The following DGKG variants were observed in gnomAD, a reference collection of about 807,000 sequenced individuals.
DGKG encodes diacylglycerol kinase gamma, also known as DAG kinase gamma.
In DGKG, 78 loss-of-function variants were observed where a neutral mutation model predicts 105.3. The observed-to-expected ratio is 0.74, with a 90% confidence interval of 0.62 to 0.89. The LOEUF (loss-of-function observed/expected upper bound fraction) is 0.89, where lower values mean the gene tolerates loss of function less well. DGKG is among the 40% of genes least tolerant of loss of function. The pLI, the probability that DGKG is intolerant of heterozygous loss-of-function variation, is 0.00. For synonymous variants in DGKG, 346 were observed against 367.1 expected (o/e 0.94, Z 0.66); for missense variants, 958 against 1,020.1 (o/e 0.94, Z 0.83).
intron 2 of DGKG, among the ~76,000 whole-genome samples, chr3:186,308,497 T>G (rs1260048814): frequency 6.6e-6 from 1 of 152,156 alleles, no homozygotes; most frequent in African/African-American, 2.4e-5. Flanking sequence ...AGGCTCTTTG[T>G]ACAGAGGGTT....
chr3:186,332,565 A>T (rs1227034155), intron 1 of DGKG, among the ~76,000 whole-genome samples: 3 of 152,198 alleles, frequency 2.0e-5, no homozygotes, highest in East Asian at 3.9e-4. Context: ...ACCAAGCACA[A>T]GTCTGACTTT....
At chr3:186,336,129 G>A (rs544386613) in intron 1 of DGKG, among the ~76,000 whole-genome samples, 10 of 152,222 alleles carry the variant, frequency 6.6e-5, no homozygotes, top group East Asian at 5.8e-4. Flanking sequence ...ACAGTGGTAC[G>A]GTATAAAAGC....
At chr3:186,270,485 G>C (rs1722265158) in intron 11 of DGKG, among the ~76,000 whole-genome samples, 1 of 152,194 alleles carries the variant, frequency 6.6e-6, no homozygotes. Context: ...CCTCCCCTAA[G>C]AATGTTTTTG....
At chr3:186,340,004 C>CGTGCCT (rs1177215446) in intron 1 of DGKG, among the ~76,000 whole-genome samples, 1 of 152,174 alleles carries the variant, frequency 6.6e-6, no homozygotes, top group African/African-American at 2.4e-5. Context: ...TTCCCAGGGC[C>CGTGCCT]GTGCCTGGCA....
Position 186,310,479 on chromosome 3 carries a change from T to C in DGKG, c.68-3502A>G, listed in dbSNP as rs187261321. On this transcript the variant is annotated intron_variant, in intron 2 of 24. Coordinates refer to ENST00000265022, the MANE Select transcript of DGKG (RefSeq NM_001346.3). ...TACTTTCTCCTTGGATGTCCTTATA[T>C]ACTTTATAACAGTTTTCTTCTTAAT... Among the ~76,000 whole-genome samples, 458 of 152,320 alleles carry C rather than the reference T, an allele frequency of 3.0e-3. 4 individuals are homozygous for C. Among genetic ancestry groups the C allele is most frequent in the African/African-American group, 9.3e-3 (386 of 41,556 alleles).
intron 19 of DGKG, among the ~76,000 whole-genome samples, chr3:186,243,895 G>GTTTTTTTTTTTTTTTTTTT (rs34134152): frequency 5.1e-4 from 59 of 116,318 alleles, no homozygotes; most frequent in African/African-American, 2.1e-3. Context: ...AAATTTCTGT[G>GTTTTTTTTTTTTTTTTTTT]TTTTTTTTTT....
At chr3:186,160,576 A>T (rs1300941984) in intron 24 of DGKG, 1 of 985,330 alleles carries the variant, frequency 1.0e-6, no homozygotes, top group African/African-American at 1.7e-5. Flanking sequence ...TTTTCTCAGC[A>T]GGTTCATGGA....
chr3:186,267,598 G>C, intron 13 of DGKG, 87 bp downstream of exon 13: 4 of 999,530 alleles, frequency 4.0e-6, no homozygotes, highest in Middle Eastern at 2.9e-4. Context: ...GGGAAGCCCT[G>C]GGAAGGATGT....
chr3:186,297,744 TGTGCTCCATCC>T (rs1418127658), intron 4 of DGKG, among the ~76,000 whole-genome samples: 1 of 152,210 alleles, frequency 6.6e-6, no homozygotes, highest in African/African-American at 2.4e-5. Context: ...AGAAGCTGAA[TGTGCTCCATCC>T]GTGGACCGTC....
intron 6 of DGKG, among the ~76,000 whole-genome samples, chr3:186,285,893 G>T (rs1269854984): frequency 6.6e-6 from 1 of 152,000 alleles, no homozygotes; most frequent in African/African-American, 2.4e-5. Flanking sequence ...TGGTCAGGCT[G>T]GTCTCAAACT....
chr3:186,223,585 C>A (rs1291134941), intron 20 of DGKG, among the ~76,000 whole-genome samples: 1 of 152,162 alleles, frequency 6.6e-6, no homozygotes, highest in East Asian at 1.9e-4. Flanking sequence ...CCCTTCTCTT[C>A]CCTATTCCAT....
At chr3:186,190,797 C>G (rs1717869046) in intron 21 of DGKG, among the ~76,000 whole-genome samples, 1 of 152,204 alleles carries the variant, frequency 6.6e-6, no homozygotes, top group South Asian at 2.1e-4. Flanking sequence ...TCATCGCGTT[C>G]CCATCATTTG....
At chr3:186,352,432 G>A (rs1043712057) in intron 1 of DGKG, among the ~76,000 whole-genome samples, 8 of 152,070 alleles carry the variant, frequency 5.3e-5, no homozygotes, top group East Asian at 3.8e-4. Context: ...GAGTTTTCAC[G>A]TTTCACCCAC....
chr3:186,172,090 G>T (rs919272142), intron 22 of DGKG, among the ~76,000 whole-genome samples: 8 of 152,160 alleles, frequency 5.3e-5, no homozygotes, highest in African/African-American at 1.7e-4. Flanking sequence ...CAGGTGATCT[G>T]CCAGCCTTGG....
chr3:186,262,811 C>T (rs999551181), intron 14 of DGKG, among the ~76,000 whole-genome samples: 1 of 152,062 alleles, frequency 6.6e-6, no homozygotes, highest in Non-Finnish European at 1.5e-5. Flanking sequence ...CCCGAAATGC[C>T]CACTTCCTTC....
At chr3:186,241,067 G>A (rs1370974217) in intron 20 of DGKG, among the ~76,000 whole-genome samples, 1 of 152,096 alleles carries the variant, frequency 6.6e-6, no homozygotes, top group African/African-American at 2.4e-5. Context: ...CTTCCTAAAA[G>A]GTTCGTTCAG....
At chr3:186,245,957 T>C (rs1448655927) in intron 19 of DGKG, among the ~76,000 whole-genome samples, 1 of 152,142 alleles carries the variant, frequency 6.6e-6, no homozygotes, top group African/African-American at 2.4e-5. Context: ...GAAGTTAATA[T>C]TTAAAACAAT....
intron 5 of DGKG, among the ~76,000 whole-genome samples, chr3:186,295,254 G>A (rs1723492865): frequency 6.6e-6 from 1 of 152,080 alleles, no homozygotes; most frequent in Admixed American, 6.6e-5. Flanking sequence ...TATAATCCCA[G>A]CACTTTGGGA....
Position 186,149,310 on chromosome 3 carries a change from C to G in DGKG, c.*780G>C. 1 of 985,364 alleles carries G rather than the reference C, an allele frequency of 1.0e-6. No individual in the cohort carries two copies. The highest frequency in any genetic ancestry group is 1.2e-6 in the Non-Finnish European group (1 of 829,916). 61.0% of individuals were successfully genotyped at this position (985,364 alleles called of 1,614,324 possible). On this transcript the variant is annotated 3_prime_UTR_variant, in exon 25 of 25. Transcript: ENST00000265022. Reference sequence around the variant, plus strand: ...AAATAAATCCCAGTTTCTCCGCTCTCCCTCCCAGGTGTTCACAGAACTAAG... The same window carrying G: ...AAATAAATCCCAGTTTCTCCGCTCTGCCTCCCAGGTGTTCACAGAACTAAG...
Sources: gnomAD v4.1 joint callset for allele counts (sites outside exome capture counted in the v4.1 genomes callset) on GRCh38, gnomAD v4.1.1 for gene constraint, MANE v1.5 for transcripts, NCBI Gene and HGNC (gene_info 2026-07-23, HGNC 2026-07-21) for gene names.